FAAH2: variants seen among roughly 807,000 people sequenced by gnomAD.
The protein encoded by FAAH2 is fatty acid amide hydrolase 2.
A neutral mutation model predicts 36.9 loss-of-function variants in FAAH2; 60 were observed. The ratio of observed to expected loss-of-function variants is 1.63; its 90% CI spans 1.32 to 2.02. The LOEUF (loss-of-function observed/expected upper bound fraction) is 2.02, where lower values mean the gene tolerates loss of function less well. Among genes scored for constraint, FAAH2 ranks in the 30% most tolerant of loss-of-function variants. The pLI is 0.00. For synonymous variants in FAAH2, 214 were observed against 143.8 expected (o/e 1.49, Z -3.49); for missense variants, 689 against 397.5 (o/e 1.73, Z -6.23).
At chrX:57,442,501 G>A (rs192394517) in intron 8 of FAAH2, among the ~76,000 whole-genome samples, 4 of 111,003 alleles carry the variant, frequency 3.6e-5, no homozygotes, top group Non-Finnish European at 3.8e-5. Context: ...GCCAATGTGT[G>A]TCTCTGCATG....
chrX:57,364,843 TC>T (rs1281400436), intron 5 of FAAH2, among the ~76,000 whole-genome samples: 3 of 111,641 alleles, frequency 2.7e-5, no homozygotes, highest in African/African-American at 9.8e-5. Context: ...TTGCTTAATT[TC>T]CATGTAATTA....
intron 7 of FAAH2, among the ~76,000 whole-genome samples, chrX:57,409,230 C>T (rs909885696): frequency 2.7e-5 from 3 of 111,775 alleles, no homozygotes; most frequent in Admixed American, 9.5e-5. Context: ...TGTATTAAAA[C>T]ATCTATGCAT....
At chrX:57,405,491 G>A (rs753324623) in intron 7 of FAAH2, among the ~76,000 whole-genome samples, 8 of 108,764 alleles carry the variant, frequency 7.4e-5, no homozygotes, top group Non-Finnish European at 1.1e-4. Context: ...TGGGCACCTC[G>A]CTGGATCAGT....
At chrX:57,372,891 C>T (rs1835696) in intron 5 of FAAH2, among the ~76,000 whole-genome samples, 59,064 of 108,455 alleles carry the variant, frequency 0.54, 14,365 homozygotes, top group Non-Finnish European at 0.75. Context: ...CCCTTTCCCT[C>T]GAGTCCCGAG....
At chrX:57,378,998 G>A (rs954478696) in intron 6 of FAAH2, among the ~76,000 whole-genome samples, 1 of 111,762 alleles carries the variant, frequency 8.9e-6, no homozygotes, top group African/African-American at 3.3e-5. Context: ...AAAATACAAA[G>A]AGAGGCCTTA....
At chrX:57,321,082 G>A (rs1291410638) in intron 3 of FAAH2, among the ~76,000 whole-genome samples, 2 of 110,388 alleles carry the variant, frequency 1.8e-5, no homozygotes. Context: ...GGAGTTTGCA[G>A]TGAGCCCAGA....
chrX:57,487,294 AT>A (rs2057491986), intron 10 of FAAH2, among the ~76,000 whole-genome samples: 1 of 102,825 alleles, frequency 9.7e-6, no homozygotes, highest in African/African-American at 3.3e-5. Flanking sequence ...ATTTGCCAAA[AT>A]TAAAAAAAAA....
the FAAH2 span, among the ~76,000 whole-genome samples, chrX:57,232,174 A>G: frequency 8.9e-6 from 1 of 112,229 alleles, no homozygotes; most frequent in Non-Finnish European, 1.9e-5. Context: ...AAAGACTGAC[A>G]GTCTGAATCA....
intron 8 of FAAH2, among the ~76,000 whole-genome samples, chrX:57,432,627 GT>G (rs1410871279): frequency 9.0e-6 from 1 of 111,386 alleles, no homozygotes; most frequent in Non-Finnish European, 1.9e-5. Flanking sequence ...CTTATGCCAG[GT>G]TTTTTCAGGC....
chrX:57,467,004 G>C (rs781648988), intron 10 of FAAH2, among the ~76,000 whole-genome samples: 1 of 111,098 alleles, frequency 9.0e-6, no homozygotes, highest in Non-Finnish European at 1.9e-5. Context: ...GCTCTCCAGA[G>C]GTGGTTTTGC....
chrX:57,468,139 G>T (rs1199372324), intron 10 of FAAH2, among the ~76,000 whole-genome samples: 1 of 111,268 alleles, frequency 9.0e-6, no homozygotes, highest in Admixed American at 9.6e-5. Context: ...AAACCACAAA[G>T]ATGGTGAAAA....
chrX:57,282,890 G>A (rs919660461), upstream of FAAH2, among the ~76,000 whole-genome samples: 7 of 112,336 alleles, frequency 6.2e-5, no homozygotes, highest in Non-Finnish European at 1.1e-4. Flanking sequence ...CTTGCGAGCT[G>A]TACAGCACAA....
intron 7 of FAAH2, among the ~76,000 whole-genome samples, chrX:57,385,600 C>G (rs1411331824): frequency 9.0e-6 from 1 of 111,331 alleles, no homozygotes. Context: ...TAGGGCAGCC[C>G]TCATGGCCTA....
At chrX:57,215,269 C>A in the FAAH2 span, among the ~76,000 whole-genome samples, 1 of 111,070 alleles carries the variant, frequency 9.0e-6, no homozygotes. Flanking sequence ...AGTGAAATAC[C>A]ATCTCACGCC....
chrX:57,433,366 A>C (rs1404692570), intron 8 of FAAH2, among the ~76,000 whole-genome samples: 1 of 111,414 alleles, frequency 9.0e-6, no homozygotes, highest in Non-Finnish European at 1.9e-5. Context: ...CCACTTTACC[A>C]TGTTGCTCAT....
chrX:57,129,711 T>C, the FAAH2 span, among the ~76,000 whole-genome samples: 1 of 112,334 alleles, frequency 8.9e-6, no homozygotes, highest in Non-Finnish European at 1.9e-5. Flanking sequence ...TTTTTAGTAC[T>C]TGACATAAAT....
intron 2 of FAAH2, among the ~76,000 whole-genome samples, chrX:57,295,500 A>G (rs888432051): frequency 8.9e-6 from 1 of 112,091 alleles, no homozygotes; most frequent in African/African-American, 3.2e-5. Context: ...CCGAATAGGA[A>G]CAACTCCAGT....
chrX:57,201,368 A>G, the FAAH2 span, among the ~76,000 whole-genome samples: 1 of 110,592 alleles, frequency 9.0e-6, no homozygotes, highest in African/African-American at 3.3e-5. Context: ...CAGTGAGCCC[A>G]GATTGCACTA....
chrX:57,331,970 C>A (rs1459985442), intron 4 of FAAH2, among the ~76,000 whole-genome samples, 163 bp downstream of exon 4: 1 of 111,839 alleles, frequency 8.9e-6, no homozygotes, highest in Non-Finnish European at 1.9e-5. Context: ...AGTCATGTAA[C>A]AGCCTTGGTC....
Sources: gnomAD v4.1 joint callset for allele counts (sites outside exome capture counted in the v4.1 genomes callset) on GRCh38, gnomAD v4.1.1 for gene constraint, MANE v1.5 for transcripts, NCBI Gene and HGNC (gene_info 2026-07-23, HGNC 2026-07-21) for gene names.